Variants in GDF11 observed in about 807,000 individuals in gnomAD.
GDF11 encodes growth differentiation factor 11.
In GDF11, 12 loss-of-function variants were observed where a neutral mutation model predicts 34.4. That is an observed-to-expected ratio of 0.35 (90% CI 0.22 to 0.57). GDF11 has a LOEUF of 0.57. Among genes scored for constraint, GDF11 ranks in the 20% least tolerant of loss-of-function variants. GDF11 has a pLI of 0.86. For missense variants in GDF11, 346 were observed against 548.2 expected, an observed-to-expected ratio of 0.63 and a Z score of 3.68; for synonymous variants, 212 against 231.1, an observed-to-expected ratio of 0.92 and a Z score of 0.75.
intron 1 of GDF11, among the ~76,000 whole-genome samples, chr12:55,747,473 C>T (rs1878210199): frequency 6.6e-6 from 1 of 152,118 alleles, no homozygotes; most frequent in Non-Finnish European, 1.5e-5. Flanking sequence ...TACTTAAAGG[C>T]CTAGACTTCC....
chr12:55,751,749 T>TG lies in GDF11; in HGVS notation c.*1872dup, dbSNP rs145861340. 1.3e-5 allele frequency: 2 copies of TG among 151,820 alleles called. No homozygotes were observed. The highest frequency in any genetic ancestry group is 2.9e-5 in the Non-Finnish European group (2 of 67,970). The allele number at this position is 151,820 out of a possible 1,614,324, so 9.4% of individuals were successfully genotyped here. A position where few individuals can be genotyped will look rare whatever the true frequency, so the allele number is the denominator to read the frequency against. Reference sequence around the variant, plus strand: ...AGAGCTTAGAGGATGTCAGGAGAGGTGGGGGTAAGAATCTTCAGCAAAACT... The same window carrying TG: ...AGAGCTTAGAGGATGTCAGGAGAGGTGGGGGGTAAGAATCTTCAGCAAAACT... On this transcript the variant is annotated 3_prime_UTR_variant, in exon 3 of 3. Coordinates refer to ENST00000257868, the MANE Select transcript of GDF11 (RefSeq NM_005811.5).
rs561119026 is a variant in GDF11 at position 55,749,285 on chromosome 12, G to C, written c.844-217G>C. Among the ~76,000 whole-genome samples, 11 of 152,326 alleles carry C rather than the reference G, an allele frequency of 7.2e-5. No homozygotes were observed. The highest frequency in any genetic ancestry group is 2.6e-4 in the African/African-American group (11 of 41,560). Reference sequence around the variant, plus strand: ...GGGCCAAGGGGCTGACAGGGATCAGGTTGCCAGAAGAGTAAGAATTAGAGA... The same window carrying C: ...GGGCCAAGGGGCTGACAGGGATCAGCTTGCCAGAAGAGTAAGAATTAGAGA... On this transcript the variant is annotated intron_variant, in intron 2 of 2. Coordinates refer to ENST00000257868, the MANE Select transcript of GDF11 (RefSeq NM_005811.5). This position sits in a 1 kb window ranked among gnomAD's most constrained non-coding sequence, Gnocchi z 5.6.
rs920778863 is a variant in GDF11, at chr12:55,756,528, C to T, written c.*6646C>T. 2.0e-5 allele frequency: 3 copies of T among 152,106 alleles called. No homozygotes were observed. Among genetic ancestry groups the T allele is most frequent in the African/African-American group, 7.2e-5 (3 of 41,402 alleles). The allele number at this position is 152,106 out of a possible 1,614,324, so 9.4% of individuals were successfully genotyped here. A position where few individuals can be genotyped will look rare whatever the true frequency, so the allele number is the denominator to read the frequency against. On this transcript the variant is annotated 3_prime_UTR_variant, in exon 3 of 3. Coordinates refer to ENST00000257868, the MANE Select transcript of GDF11 (RefSeq NM_005811.5). ...AGCAACATGGGACCTGATCATAGTACCAAAGTCTTCAGGTAAGGTGTCAGG... is the reference window on the plus strand; with the variant it reads ...AGCAACATGGGACCTGATCATAGTATCAAAGTCTTCAGGTAAGGTGTCAGG...
rs1432369307 is a variant in GDF11, at chr12:55,751,479, A to T, written c.*1597A>T. 6.6e-6 allele frequency: 1 copy of T among 152,368 alleles called. No homozygotes were observed. The highest frequency in any genetic ancestry group is 1.5e-5 in the Non-Finnish European group (1 of 68,158). 9.4% of individuals were successfully genotyped at this position (152,368 alleles called of 1,614,324 possible). A position where few individuals can be genotyped will look rare whatever the true frequency, so the allele number is the denominator to read the frequency against. On this transcript the variant is annotated 3_prime_UTR_variant, in exon 3 of 3. Transcript: ENST00000257868. ...AGAAATGACAGCACCCGCCACAGCCAAGAGATGAATTCTGAGCACTTACCA... is the reference window on the plus strand; with the variant it reads ...AGAAATGACAGCACCCGCCACAGCCTAGAGATGAATTCTGAGCACTTACCA...
In GDF11 at chr12:55,750,015, C is replaced by A; in HGVS notation, c.*133C>A. On this transcript the variant is annotated 3_prime_UTR_variant, in exon 3 of 3. Transcript: ENST00000257868. The stretch of plus-strand genomic sequence containing the variant: ...CACCGTTCCCCGACCAAGCCGTGTG[C>A]AATACAACAGAGGGAGGCAGGTGGG... The A allele has an allele frequency of 1.3e-6, 1 of 784,888 alleles. No homozygotes were observed. The highest frequency in any genetic ancestry group is 2.0e-6 in the Non-Finnish European group (1 of 494,802). The allele number at this position is 784,888 out of a possible 1,614,324, so 48.6% of individuals were successfully genotyped here.
Position 55,749,980 on chromosome 12 carries a change from G to A in GDF11, c.*98G>A, listed in dbSNP as rs946333164. On this transcript the variant is annotated 3_prime_UTR_variant, in exon 3 of 3. Coordinates refer to ENST00000257868, the MANE Select transcript of GDF11 (RefSeq NM_005811.5). This position sits in a 1 kb window ranked among gnomAD's most constrained non-coding sequence, Gnocchi z 5.6. Reference sequence around the variant, plus strand: ...CCCTAGAGCTCCCTCCACTCTTCCCGCGAACATCACACCGTTCCCCGACCA... The same window carrying A: ...CCCTAGAGCTCCCTCCACTCTTCCCACGAACATCACACCGTTCCCCGACCA... 10 of 1,037,418 alleles carry A rather than the reference G, an allele frequency of 9.6e-6. No homozygotes were observed. Among genetic ancestry groups the A allele is most frequent in the Admixed American group, 8.8e-5 (4 of 45,238 alleles). 64.3% of individuals were successfully genotyped at this position (1,037,418 alleles called of 1,614,324 possible). A position where few individuals can be genotyped will look rare whatever the true frequency, so the allele number is the denominator to read the frequency against.
At chr12:55,743,881 TGAC>T in intron 1 of GDF11, 120 bp downstream of exon 1, 1 of 798,252 alleles carries the variant, frequency 1.3e-6, no homozygotes, top group South Asian at 1.9e-5. Flanking sequence ...TGCGAAAACT[TGAC>T]GAATTAGGGA....
Position 55,748,259 on chromosome 12 carries a change from G to C in GDF11, c.446-327G>C, listed in dbSNP as rs1408190783. On this transcript the variant is annotated intron_variant, in intron 1 of 2. Transcript: ENST00000257868. This position sits in a 1 kb window ranked among gnomAD's most constrained non-coding sequence, Gnocchi z 5.6. The stretch of plus-strand genomic sequence containing the variant: ...AAAGAGCTTCAAAGATTCAGAAAAT[G>C]TTGGAGCCTTATATGCTGGGAAAAG... Among the ~76,000 whole-genome samples the C allele has an allele frequency of 6.6e-6, 1 of 152,214 alleles. No homozygotes were observed.
Position 55,743,183 on chromosome 12 carries a change from G to A in GDF11, c.-134G>A, listed in dbSNP as rs1273181131. 6.5e-6 allele frequency: 1 copy of A among 153,078 alleles called. No individual in the cohort carries two copies. The highest frequency in any genetic ancestry group is 2.1e-4 in the East Asian group (1 of 4,778). 9.5% of individuals were successfully genotyped at this position (153,078 alleles called of 1,614,324 possible). A position where few individuals can be genotyped will look rare whatever the true frequency, so the allele number is the denominator to read the frequency against. On this transcript the variant is annotated 5_prime_UTR_variant, in exon 1 of 3. Transcript: ENST00000257868. The stretch of plus-strand genomic sequence containing the variant: ...GCGCCCGCCGCCCCCGGCCCCCCGG[G>A]TCCCCCCTCGGCCGGGCAGCCCCCA...
intron 1 of GDF11, among the ~76,000 whole-genome samples, chr12:55,744,261 T>C (rs1592542466): frequency 6.6e-6 from 1 of 152,140 alleles, no homozygotes; most frequent in Admixed American, 6.5e-5. Flanking sequence ...CTCCCAAGAA[T>C]AGGGTCCCAG....
chr12:55,743,291 CA>C lies in GDF11; in HGVS notation c.-25del. The C allele has an allele frequency of 1.1e-6, 1 of 915,558 alleles. No homozygotes were observed. The highest frequency in any genetic ancestry group is 1.3e-6 in the Non-Finnish European group (1 of 767,054). The allele number at this position is 915,558 out of a possible 1,614,324, so 56.7% of individuals were successfully genotyped here. On this transcript the variant is annotated 5_prime_UTR_variant, in exon 1 of 3. Transcript: ENST00000257868. ...GCGGGACTCCGGCGTCCCCGCCCCC[CA>C]GTCCTCCCTCCCCTCCCCTCCAGCA...
In GDF11 at chr12:55,743,563, A is replaced by C. The variant is rs1878111852; in HGVS notation, c.247A>C (p.Ile83Leu). 6.2e-7 allele frequency: 1 copy of C among 1,604,364 alleles called. No homozygotes were observed. Among genetic ancestry groups the C allele is most frequent in the Non-Finnish European group, 8.5e-7 (1 of 1,179,748 alleles). The part of the protein sequence containing the change: ...ELRLESIKSQ[I>L]LSKLRLKEAP... ...GCGCCTAGAGAGCATCAAGTCGCAG[A>C]TCTTGAGCAAACTGCGGCTCAAGGA... The change falls in exon 1 of 3, where the codon ATC becomes CTC. Residue 83 changes from isoleucine to leucine, a missense_variant. Physicochemically the swap from Ile to Leu is conservative, Grantham distance 5 (BLOSUM62 2). Transcript: ENST00000257868.
intron 1 of GDF11, among the ~76,000 whole-genome samples, chr12:55,746,610 C>A (rs183358804): frequency 6.6e-6 from 1 of 152,348 alleles, no homozygotes; most frequent in Non-Finnish European, 1.5e-5. Flanking sequence ...TTAGATGTAG[C>A]CCTCATCTTC....
At position 55,752,399 on chromosome 12, in the gene GDF11, T is replaced by A. The variant is rs1265134812; in HGVS notation, c.*2517T>A. ...GGTGGGTGGGGGGGGGGCAGGGGTCTTTCTCTTATGAACATAAATCTGTGA... is the reference window on the plus strand; with the variant it reads ...GGTGGGTGGGGGGGGGGCAGGGGTCATTCTCTTATGAACATAAATCTGTGA... On this transcript the variant is annotated 3_prime_UTR_variant, in exon 3 of 3. Transcript: ENST00000257868. 3 of 151,110 alleles carry A rather than the reference T, an allele frequency of 2.0e-5. No homozygotes were observed. In the East Asian group the frequency reaches 5.9e-4, roughly 30 times the overall value. The allele number at this position is 151,110 out of a possible 1,614,324, so 9.4% of individuals were successfully genotyped here.
Position 55,750,157 on chromosome 12 carries a change from GAT to G in GDF11, c.*277_*278del, listed in dbSNP as rs1189501715. 15 of 418,328 alleles carry G rather than the reference GAT, an allele frequency of 3.6e-5. No individual in the cohort carries two copies. The highest frequency in any genetic ancestry group is 4.3e-6 in the Non-Finnish European group (1 of 231,994). The allele number at this position is 418,328 out of a possible 1,614,324, so 25.9% of individuals were successfully genotyped here. ...AAAGACAGAGAGATGTAGAGACAGT[GAT>G]AGAGACAGAGGAACAAAAAGAGCAG... On this transcript the variant is annotated 3_prime_UTR_variant, in exon 3 of 3. Coordinates refer to ENST00000257868, the MANE Select transcript of GDF11 (RefSeq NM_005811.5).
At position 55,749,633 on chromosome 12, in the gene GDF11, C is replaced by A; in HGVS notation, c.975C>A (p.Phe325Leu). The A allele has an allele frequency of 6.2e-7, 1 of 1,614,130 alleles. No individual in the cohort carries two copies. Among genetic ancestry groups the A allele is most frequent in the Non-Finnish European group, 8.5e-7 (1 of 1,180,024 alleles). The change falls in exon 3 of 3, where the codon TTC becomes TTA. Residue 325 changes from phenylalanine to leucine, a missense_variant. By Grantham distance (22) the Phe-to-Leu change is conservative. This residue lies in a region of GDF11 where 205 missense variants were observed against 311.3 expected (regional missense o/e 0.66). Coordinates refer to ENST00000257868, the MANE Select transcript of GDF11 (RefSeq NM_005811.5). This position sits in a 1 kb window ranked among gnomAD's most constrained non-coding sequence, Gnocchi z 5.6. The stretch of plus-strand genomic sequence containing the variant: ...CCCTCACAGTGGACTTTGAGGCTTT[C>A]GGCTGGGACTGGATCATCGCACCTA... ...RYPLTVDFEAFGWDWIIAPKR... is the reference protein window; with the variant it reads ...RYPLTVDFEALGWDWIIAPKR...
rs1049019555 is a variant in GDF11, at chr12:55,751,396, C to G, written c.*1514C>G. On this transcript the variant is annotated 3_prime_UTR_variant, in exon 3 of 3. Coordinates refer to ENST00000257868, the MANE Select transcript of GDF11 (RefSeq NM_005811.5). ...CTAGGCCCATTCATTCCTCCCACAA[C>G]CCTGACCCATTCTCCTCTGGACTCA... 2 of 152,210 alleles carry G rather than the reference C, an allele frequency of 1.3e-5. No homozygotes were observed. The highest frequency in any genetic ancestry group is 4.8e-5 in the African/African-American group (2 of 41,414). 9.4% of individuals were successfully genotyped at this position (152,210 alleles called of 1,614,324 possible). A position where few individuals can be genotyped will look rare whatever the true frequency, so the allele number is the denominator to read the frequency against.
chr12:55,745,885 G>A (rs1052699477), intron 1 of GDF11, among the ~76,000 whole-genome samples: 1 of 151,400 alleles, frequency 6.6e-6, no homozygotes. Context: ...AGCCCAGCCC[G>A]AGTTTCTCTC....
At position 55,748,456 on chromosome 12, in the gene GDF11, A is replaced by G. The variant is rs1878230108; in HGVS notation, c.446-130A>G. On this transcript the variant is annotated intron_variant, in intron 1 of 2. Transcript: ENST00000257868. The surrounding 1 kb of genome is among the most constrained non-coding windows in gnomAD (Gnocchi z 5.6). The stretch of plus-strand genomic sequence containing the variant: ...AGGTACCGGAGACATGGTATAAGAT[A>G]GGCATGGGAGAAGGGTAAAGAAGAA... The G allele has an allele frequency of 4.0e-6, 3 of 759,458 alleles. No individual in the cohort carries two copies. The South Asian group carries it at 5.1e-5, about 13-fold the overall frequency. The allele number at this position is 759,458 out of a possible 1,614,324, so 47.0% of individuals were successfully genotyped here.
Sources: gnomAD v4.1 joint callset for allele counts (sites outside exome capture counted in the v4.1 genomes callset) on GRCh38, gnomAD v4.1.1 for gene constraint, gnomAD v4.1.1 regional missense constraint, Gnocchi (gnomAD v3.1) non-coding constraint, MANE v1.5 for transcripts, NCBI Gene and HGNC (gene_info 2026-07-23, HGNC 2026-07-21) for gene names.